Variants in CDH12 observed in about 807,000 individuals in gnomAD.
The protein encoded by CDH12 is cadherin 12.
A neutral mutation model predicts 74.1 loss-of-function variants in CDH12; 41 were observed. That is an observed-to-expected ratio of 0.55 (90% CI 0.43 to 0.72). The LOEUF is 0.72. Among genes scored for constraint, CDH12 ranks in the 30% least tolerant of loss-of-function variants. The pLI is 0.00. For synonymous variants in CDH12, 399 were observed against 355.0 expected, an observed-to-expected ratio of 1.12 and a Z score of -1.39; for missense variants, 945 against 977.2, an observed-to-expected ratio of 0.97 and a Z score of 0.44.
chr5:21,837,867 G>A (rs985522571), intron 8 of CDH12, among the ~76,000 whole-genome samples: 1 of 152,018 alleles, frequency 6.6e-6, no homozygotes, highest in Non-Finnish European at 1.5e-5. Context: ...ACCCGTTATA[G>A]TTTCAGACAA....
intron 5 of CDH12, among the ~76,000 whole-genome samples, chr5:22,001,519 G>C (rs958848243): frequency 4.0e-5 from 6 of 151,888 alleles, no homozygotes; most frequent in Non-Finnish European, 8.8e-5. Flanking sequence ...TTAACTTTTA[G>C]GTTCAGGAGT....
At chr5:22,515,435 C>A (rs1418757941) in intron 1 of CDH12, among the ~76,000 whole-genome samples, 1 of 151,876 alleles carries the variant, frequency 6.6e-6, no homozygotes, top group Non-Finnish European at 1.5e-5. Flanking sequence ...AACAGTGAGA[C>A]GTGAAGTATA....
At chr5:22,057,073 TTC>T in intron 5 of CDH12, among the ~76,000 whole-genome samples, 1 of 152,208 alleles carries the variant, frequency 6.6e-6, no homozygotes, top group Admixed American at 6.6e-5. Context: ...GCTCAGCATT[TTC>T]TTTTTCTGAG....
At chr5:22,458,912 CT>C (rs940675463) in intron 2 of CDH12, among the ~76,000 whole-genome samples, 76 of 150,704 alleles carry the variant, frequency 5.0e-4, no homozygotes, top group African/African-American at 1.6e-3. Context: ...TGGGTTTTTT[CT>C]TTTTTTTTGG....
At chr5:22,066,108 G>T (rs1210709427) in intron 5 of CDH12, among the ~76,000 whole-genome samples, 1 of 151,964 alleles carries the variant, frequency 6.6e-6, no homozygotes, top group Non-Finnish European at 1.5e-5. Flanking sequence ...GATCTCTTGG[G>T]GAAGGATTCC....
chr5:22,055,558 A>AT (rs1383986558), intron 5 of CDH12, among the ~76,000 whole-genome samples: 1 of 151,828 alleles, frequency 6.6e-6, no homozygotes, highest in African/African-American at 2.4e-5. Flanking sequence ...TTGAGAACAA[A>AT]TTTTTTTTCT....
intron 5 of CDH12, among the ~76,000 whole-genome samples, chr5:22,064,146 C>A (rs1741395659): frequency 6.6e-6 from 1 of 152,030 alleles, no homozygotes; most frequent in South Asian, 2.1e-4. Context: ...ACATCTGCAA[C>A]CAAATGTGGA....
intron 9 of CDH12, among the ~76,000 whole-genome samples, chr5:21,811,233 TCAC>T (rs1178872252): frequency 1.3e-5 from 2 of 152,080 alleles, no homozygotes; most frequent in Non-Finnish European, 1.5e-5. Context: ...GGAAATAACT[TCAC>T]CACTCTTCAT....
intron 10 of CDH12, among the ~76,000 whole-genome samples, chr5:21,787,251 C>T (rs1255885745): frequency 6.6e-6 from 1 of 152,108 alleles, no homozygotes; most frequent in Non-Finnish European, 1.5e-5. Context: ...TTGACTGATA[C>T]AGCAAACCTC....
intron 4 of CDH12, among the ~76,000 whole-genome samples, chr5:22,128,977 T>C (rs1330778293): frequency 1.3e-5 from 2 of 152,304 alleles, no homozygotes; most frequent in East Asian, 3.9e-4. Context: ...TCACATTTTG[T>C]AGAGATAGTA....
At chr5:22,397,725 C>T (rs1206521548) in intron 3 of CDH12, among the ~76,000 whole-genome samples, 1 of 152,052 alleles carries the variant, frequency 6.6e-6, no homozygotes, top group Non-Finnish European at 1.5e-5. Context: ...TAAGTTGAAG[C>T]CCTAATCCGT....
intron 4 of CDH12, among the ~76,000 whole-genome samples, chr5:22,094,939 C>T (rs1408848770): frequency 6.6e-6 from 1 of 152,158 alleles, no homozygotes; most frequent in Non-Finnish European, 1.5e-5. Context: ...ATAAAACGGG[C>T]CCACCCCTAT....
intron 1 of CDH12, among the ~76,000 whole-genome samples, chr5:22,551,552 G>C (rs1738571154): frequency 6.6e-6 from 1 of 151,992 alleles, no homozygotes; most frequent in South Asian, 2.1e-4. Context: ...GCCATGCCAA[G>C]TACAAGGGCC....
chr5:22,478,334 C>T (rs1195173623), intron 2 of CDH12, among the ~76,000 whole-genome samples: 2 of 141,298 alleles, frequency 1.4e-5, no homozygotes, highest in Non-Finnish European at 1.5e-5. Context: ...AGGAGAATGG[C>T]GTGAACCTGG....
intron 1 of CDH12, among the ~76,000 whole-genome samples, chr5:22,775,045 G>T (rs562790511): frequency 6.6e-6 from 1 of 150,744 alleles, no homozygotes; most frequent in East Asian, 1.9e-4. Flanking sequence ...ATATATATGT[G>T]AAATACATAT....
chr5:22,325,064 GC>G (rs1477203055), intron 3 of CDH12, among the ~76,000 whole-genome samples: 2 of 152,208 alleles, frequency 1.3e-5, no homozygotes, highest in Non-Finnish European at 1.5e-5. Flanking sequence ...CAGGGCATGT[GC>G]CTCAGCAGCA....
At chr5:22,629,274 A>G (rs1738456731) in intron 1 of CDH12, among the ~76,000 whole-genome samples, 1 of 152,074 alleles carries the variant, frequency 6.6e-6, no homozygotes. Context: ...TTCTGATACC[A>G]AAACCTGACA....
intron 1 of CDH12, among the ~76,000 whole-genome samples, chr5:22,802,599 C>T (rs528447854): frequency 7.2e-5 from 11 of 152,114 alleles, no homozygotes; most frequent in East Asian, 5.8e-4. Flanking sequence ...ATGTATTCTG[C>T]GGAAATTCCT....
chr5:22,445,322 A>G (rs1471261543), intron 2 of CDH12, among the ~76,000 whole-genome samples: 7 of 152,108 alleles, frequency 4.6e-5, no homozygotes, highest in African/African-American at 1.7e-4. Flanking sequence ...CTTGGGGCTT[A>G]AGAAACATGA....
Sources: gnomAD v4.1 joint callset for allele counts (sites outside exome capture counted in the v4.1 genomes callset) on GRCh38, gnomAD v4.1.1 for gene constraint, MANE v1.5 for transcripts, NCBI Gene and HGNC (gene_info 2026-07-23, HGNC 2026-07-21) for gene names.